ANKS1B: variants seen among roughly 807,000 people sequenced by gnomAD.
The protein encoded by ANKS1B is ankyrin repeat and sterile alpha motif domain containing 1B, also known as ankyrin repeat and sterile alpha motif domain-containing protein 1B.
Under a neutral mutation model 148.3 loss-of-function variants are expected in ANKS1B, and 36 were observed. The ratio of observed to expected loss-of-function variants is 0.24; its 90% CI spans 0.19 to 0.32. ANKS1B has a LOEUF of 0.32. Ranked by LOEUF, ANKS1B falls within the 10% of genes least tolerant of loss-of-function variation. The pLI is 1.00. For synonymous variants in ANKS1B, 542 were observed against 560.8 expected, an observed-to-expected ratio of 0.97 and a Z score of 0.47; for missense variants, 1,157 against 1,542.6, an observed-to-expected ratio of 0.75 and a Z score of 4.19.
At chr12:99,816,612 T>C (rs907403087) in intron 2 of ANKS1B, among the ~76,000 whole-genome samples, 1 of 151,834 alleles carries the variant, frequency 6.6e-6, no homozygotes, top group Non-Finnish European at 1.5e-5. Flanking sequence ...TACCAGCTAA[T>C]GAATTGGTTG....
chr12:99,783,426 A>G (rs1293460539), intron 4 of ANKS1B, among the ~76,000 whole-genome samples: 3 of 152,212 alleles, frequency 2.0e-5, no homozygotes, highest in African/African-American at 4.8e-5. Flanking sequence ...TTTGAAGCAT[A>G]TCAAAAATGC....
intron 8 of ANKS1B, among the ~76,000 whole-genome samples, chr12:99,677,139 C>A (rs765868076): frequency 7.9e-5 from 12 of 152,162 alleles, no homozygotes; most frequent in Non-Finnish European, 1.6e-4. Context: ...AAAAGTGAAT[C>A]TTTAGCTTTC....
chr12:99,474,236 C>T (rs911982886), intron 10 of ANKS1B, among the ~76,000 whole-genome samples: 2 of 152,034 alleles, frequency 1.3e-5, no homozygotes, highest in African/African-American at 4.8e-5. Context: ...GGGTAGTTTA[C>T]TTCTTTGTAC....
chr12:99,669,999 GA>G (rs955586513), intron 8 of ANKS1B, among the ~76,000 whole-genome samples: 1 of 152,084 alleles, frequency 6.6e-6, no homozygotes, highest in African/African-American at 2.4e-5. Flanking sequence ...ATGAATGTTT[GA>G]CATATTTTTG....
intron 17 of ANKS1B, among the ~76,000 whole-genome samples, chr12:98,948,204 C>T (rs1226175059): frequency 2.0e-5 from 3 of 152,156 alleles, no homozygotes; most frequent in Non-Finnish European, 2.9e-5. Flanking sequence ...CTGTATCTTT[C>T]TACCTGATTG....
In ANKS1B at chr12:98,801,666, A is replaced by C. The variant is rs928120991; in HGVS notation, c.3142-541T>G. ...CTAATGGGTGACACTAATTTCTCTC[A>C]TCTGAATTCAATTGCACTGATTTAA... On this transcript the variant is annotated intron_variant, in intron 20 of 26. Transcript: ENST00000683438. This position sits in a 1 kb window ranked among gnomAD's most constrained non-coding sequence, Gnocchi z 5.2. Among the ~76,000 whole-genome samples the C allele has an allele frequency of 6.6e-6, 1 of 152,198 alleles. No homozygotes were observed. Among genetic ancestry groups the C allele is most frequent in the South Asian group, 2.1e-4 (1 of 4,834 alleles).
At chr12:99,452,191 G>A (rs2095753981) in intron 10 of ANKS1B, among the ~76,000 whole-genome samples, 1 of 151,984 alleles carries the variant, frequency 6.6e-6, no homozygotes. Context: ...ATAAGCAAAT[G>A]GGTGTGTCCG....
intron 14 of ANKS1B, among the ~76,000 whole-genome samples, chr12:99,208,819 A>G: frequency 6.6e-6 from 1 of 152,204 alleles, no homozygotes; most frequent in Non-Finnish European, 1.5e-5. Flanking sequence ...GTTTTATTTT[A>G]CAGATTTAAG....
intron 9 of ANKS1B, among the ~76,000 whole-genome samples, chr12:99,651,941 C>T (rs2098422300): frequency 1.3e-5 from 2 of 151,156 alleles, no homozygotes; most frequent in African/African-American, 4.9e-5. Context: ...TACAAATATA[C>T]TATATATACA....
intron 17 of ANKS1B, among the ~76,000 whole-genome samples, chr12:98,954,644 T>A (rs969339265): frequency 6.6e-6 from 1 of 152,188 alleles, no homozygotes; most frequent in Non-Finnish European, 1.5e-5. Flanking sequence ...AGTAGAGAAA[T>A]GCCTGCTTTG....
At chr12:99,154,667 A>G in intron 14 of ANKS1B, 1 of 1,438,682 alleles carries the variant, frequency 7.0e-7, no homozygotes. Flanking sequence ...TACGTCATAC[A>G]GCCCCCAAAA....
At chr12:99,025,709 T>C (rs2099948348) in intron 17 of ANKS1B, among the ~76,000 whole-genome samples, 1 of 152,202 alleles carries the variant, frequency 6.6e-6, no homozygotes, top group African/African-American at 2.4e-5. Flanking sequence ...CTGTCTCTCA[T>C]GATCTCTAAC....
chr12:99,237,101 G>A (rs2088132595), intron 14 of ANKS1B, among the ~76,000 whole-genome samples: 1 of 152,120 alleles, frequency 6.6e-6, no homozygotes, highest in African/African-American at 2.4e-5. Flanking sequence ...TAAAATAAAA[G>A]TTAAAAAAGA....
At chr12:99,391,046 A>G (rs1593777810) in intron 12 of ANKS1B, among the ~76,000 whole-genome samples, 1 of 152,212 alleles carries the variant, frequency 6.6e-6, no homozygotes, top group Admixed American at 6.5e-5. Flanking sequence ...CCCACTCCCT[A>G]TTATCCCTTT....
intron 1 of ANKS1B, among the ~76,000 whole-genome samples, chr12:99,857,298 AT>A (rs59607574): frequency 0.021 from 3,261 of 152,228 alleles, 120 homozygotes; most frequent in African/African-American, 0.074. Context: ...TGCAAAAAAA[AT>A]AAAATAAAAT....
At chr12:99,475,273 A>G (rs1344870217) in intron 10 of ANKS1B, among the ~76,000 whole-genome samples, 2 of 151,520 alleles carry the variant, frequency 1.3e-5, no homozygotes, top group East Asian at 3.9e-4. Context: ...AAAAACCTCA[A>G]AAGCTTAAGT....
intron 24 of ANKS1B, among the ~76,000 whole-genome samples, chr12:98,776,089 T>C (rs924651160): frequency 1.3e-5 from 2 of 152,222 alleles, no homozygotes; most frequent in African/African-American, 4.8e-5. Flanking sequence ...GGGATGTCAC[T>C]ACTGAAATAC....
chr12:99,297,074 TTCCTGATTAC>T (rs1310054712), intron 12 of ANKS1B, among the ~76,000 whole-genome samples: 1 of 152,192 alleles, frequency 6.6e-6, no homozygotes, highest in African/African-American at 2.4e-5. Context: ...ATTAGAGTTA[TTCCTGATTAC>T]TTTAGGAATG....
In ANKS1B at chr12:99,984,272, C is replaced by G. The variant is rs774445079; in HGVS notation, c.-35G>C. ...CCGACTCCCCCACAGAGTCCTTGCC[C>G]CCCTCGGGTCCTCCTCCCCACCCAC... On this transcript the variant is annotated 5_prime_UTR_variant, in exon 1 of 27. Transcript: ENST00000683438. The G allele has an allele frequency of 6.3e-7, 1 of 1,587,044 alleles. No homozygotes were observed. Among genetic ancestry groups the G allele is most frequent in the Non-Finnish European group, 8.6e-7 (1 of 1,165,682 alleles).
Sources: gnomAD v4.1 joint callset for allele counts (sites outside exome capture counted in the v4.1 genomes callset) on GRCh38, gnomAD v4.1.1 for gene constraint, Gnocchi (gnomAD v3.1) non-coding constraint, MANE v1.5 for transcripts, NCBI Gene and HGNC (gene_info 2026-07-23, HGNC 2026-07-21) for gene names.